Variants in MDC1 observed in about 807,000 individuals in gnomAD.
MDC1 encodes mediator of DNA damage checkpoint protein 1.
In MDC1, 81 loss-of-function variants were observed where a neutral mutation model predicts 142.5. The observed-to-expected ratio is 0.57, with a 90% CI of 0.47 to 0.68. MDC1 has a LOEUF of 0.68. Among genes scored for constraint, MDC1 ranks in the 30% least tolerant of loss-of-function variants. MDC1 has a pLI of 0.00. For synonymous variants in MDC1, 797 were observed against 968.4 expected, an observed-to-expected ratio of 0.82 and a Z score of 3.29; for missense variants, 2,119 against 2,547.9, an observed-to-expected ratio of 0.83 and a Z score of 3.62.
intron 14 of MDC1, among the ~76,000 whole-genome samples, chr6:30,701,985 G>A (rs115478552): frequency 0.019 from 2,934 of 151,964 alleles, 40 homozygotes; most frequent in South Asian, 0.064. Flanking sequence ...GGAAAAAGCC[G>A]GGCGCGGTGG....
At position 30,713,866 on chromosome 6, in the gene MDC1, T is replaced by G; in HGVS notation, c.454A>C (p.Arg152=). ...TGGGGTTGAGTTTCTCCCTGTACTC[T>G]GGGTGTCTCTTCTACTGTCAGAGGG... ...RGPLTVEETP[R]VQGETQPQRL... is the part of the protein sequence containing the mutation. Residue 152 remains arginine, a synonymous_variant, in exon 3 of 15, where the codon AGA becomes CGA. Coordinates refer to ENST00000376406, the MANE Select transcript of MDC1 (RefSeq NM_014641.3). This position sits in a 1 kb window ranked among gnomAD's most constrained non-coding sequence, Gnocchi z 4.9. The G allele has an allele frequency of 6.2e-7, 1 of 1,614,160 alleles. No individual in the cohort carries two copies. Among genetic ancestry groups the G allele is most frequent in the Non-Finnish European group, 8.5e-7 (1 of 1,180,028 alleles).
rs567097464 is a variant in MDC1, at chr6:30,701,031, C to T, written c.6103-399G>A. The stretch of plus-strand genomic sequence containing the variant: ...CGGAGCTTGCAGTGAGCCGAGATCG[C>T]GCCACTGCACTCCAGCCTGGGCTAC... On this transcript the variant is annotated intron_variant, in intron 14 of 14. Coordinates refer to ENST00000376406, the MANE Select transcript of MDC1 (RefSeq NM_014641.3). 1.0e-4 allele frequency among the ~76,000 whole-genome samples: 15 copies of T among 147,956 alleles called. No homozygotes were observed. The South Asian group carries it at 3.0e-3, about 30-fold the overall frequency.
At chr6:30,708,855 C>CAAAAAAAAAAAAAAAAAAAAA (rs59939040) in intron 7 of MDC1, among the ~76,000 whole-genome samples, 4 of 55,236 alleles carry the variant, frequency 7.2e-5, no homozygotes, top group East Asian at 5.3e-4. Context: ...GACTCTGTCT[C>CAAAAAAAAAAAAAAAAAAAAA]AAAAAAAAAA....
intron 9 of MDC1, 108 bp downstream of exon 9, chr6:30,707,276 A>G (rs1346454402): frequency 8.1e-6 from 10 of 1,233,656 alleles, no homozygotes; most frequent in Non-Finnish European, 1.2e-5. Flanking sequence ...AAATGGAAGA[A>G]AACTGAATAA....
At chr6:30,702,511 G>C (rs1213814108) in intron 14 of MDC1, 42 bp downstream of exon 14, 2 of 1,425,296 alleles carry the variant, frequency 1.4e-6, no homozygotes, top group Non-Finnish European at 9.4e-7. Context: ...CTCTTTAACT[G>C]CCACTGCCAC....
intron 9 of MDC1, among the ~76,000 whole-genome samples, chr6:30,706,486 G>A (rs1233080042): frequency 6.6e-6 from 1 of 152,004 alleles, no homozygotes; most frequent in Non-Finnish European, 1.5e-5. Context: ...GCCGGGCGTG[G>A]TGGCGGGCGC....
chr6:30,711,736 G>A lies in MDC1; in HGVS notation c.2069-10C>T. ...TCCAGATCTTCAGAATCTGGTCGGG[G>A]AGGAATATAAGACAGTTTAAAACAA... On this transcript the variant is annotated splice_polypyrimidine_tract_variant and intron_variant, in intron 5 of 14. Transcript: ENST00000376406. The A allele has an allele frequency of 6.2e-7, 1 of 1,611,858 alleles. No individual in the cohort carries two copies. The highest frequency in any genetic ancestry group is 8.5e-7 in the Non-Finnish European group (1 of 1,179,540).
chr6:30,701,990 C>T (rs544162629), intron 14 of MDC1, among the ~76,000 whole-genome samples: 74 of 151,776 alleles, frequency 4.9e-4, no homozygotes, highest in South Asian at 2.1e-3. Flanking sequence ...AAGCCGGGCG[C>T]GGTGGCTCAC....
chr6:30,702,312 GC>G (rs1772883503), intron 14 of MDC1, among the ~76,000 whole-genome samples: 1 of 148,032 alleles, frequency 6.8e-6, no homozygotes, highest in Non-Finnish European at 1.5e-5. Context: ...GATAGATGGA[GC>G]AAATGTAGCA....
At position 30,707,876 on chromosome 6, in the gene MDC1, T is replaced by C; in HGVS notation, c.2703A>G (p.Gln901=). The C allele has an allele frequency of 6.2e-7, 1 of 1,613,154 alleles. No individual in the cohort carries two copies. The highest frequency in any genetic ancestry group is 2.2e-5 in the East Asian group (1 of 44,886). ...GGGTCTGCTTCTGTACTTGTTTCTC[T>C]TGTATTTCCTCAGATGTCTCAATTT... is the stretch of plus-strand genomic sequence containing the variant. The part of the protein sequence containing the change: ...KVEIETSEEI[Q]EKQVQKQTLP... The change falls in exon 8 of 15, where the codon CAA becomes CAG. Residue 901 remains glutamine (Q), a synonymous_variant. Coordinates refer to ENST00000376406, the MANE Select transcript of MDC1 (RefSeq NM_014641.3).
intron 14 of MDC1, among the ~76,000 whole-genome samples, chr6:30,701,988 C>T (rs183016113): frequency 6.6e-6 from 1 of 151,802 alleles, no homozygotes; most frequent in Non-Finnish European, 1.5e-5. Context: ...AAAAGCCGGG[C>T]GCGGTGGCTC....
rs1460869083 is a variant in MDC1, at chr6:30,717,267, C to G, written c.-26G>C. 6.6e-6 allele frequency: 1 copy of G among 152,208 alleles called. No individual in the cohort carries two copies. The highest frequency in any genetic ancestry group is 2.4e-5 in the African/African-American group (1 of 41,442). 9.4% of individuals were successfully genotyped at this position (152,208 alleles called of 1,614,324 possible). On this transcript the variant is annotated 5_prime_UTR_variant, in exon 1 of 15. Coordinates refer to ENST00000376406, the MANE Select transcript of MDC1 (RefSeq NM_014641.3). ...CACCTACTTTAAGTCCCCGCGCGCG[C>G]CACCAGTAACGGTCGCGACCCAGGT...
rs1421126459 is a variant in MDC1 at position 30,712,076 on chromosome 6, C to G, written c.1866G>C (p.Glu622Asp). The G allele has an allele frequency of 6.3e-7, 1 of 1,591,474 alleles. No individual in the cohort carries two copies. The highest frequency in any genetic ancestry group is 1.7e-5 in the Admixed American group (1 of 57,460). The part of the protein sequence containing the change: ...AAVLKQERAH[E>D]VGAQGGPPVA... ...CAGGTGGCCCACCCTGGGCCCCCAC[C>G]TCATGAGCTCTCTCCTGCTTAAGAA... The change falls in exon 5 of 15, where the codon GAG becomes GAC. Residue 622 changes from glutamate (E) to aspartate (D), a missense_variant. Transcript: ENST00000376406. The surrounding 1 kb of genome is among the most constrained non-coding windows in gnomAD (Gnocchi z 4.7).
intron 6 of MDC1, 57 bp from the exon 7 acceptor site, chr6:30,711,561 T>C (rs929460173): frequency 5.6e-6 from 9 of 1,594,992 alleles, no homozygotes; most frequent in Non-Finnish European, 7.7e-6. Flanking sequence ...AGGGTTCCAT[T>C]CCTGGTCTCC....
Position 30,713,779 on chromosome 6 carries a change from C to G in MDC1, c.517+24G>C. 6.2e-7 allele frequency: 1 copy of G among 1,613,586 alleles called. No individual in the cohort carries two copies. Among genetic ancestry groups the G allele is most frequent in the Non-Finnish European group, 8.5e-7 (1 of 1,179,584 alleles). ...CACTCATTATTCCTGTCTCCTCATT[C>G]TCCCTGCCAATATACAAACTTACCT... On this transcript the variant is annotated intron_variant, in intron 3 of 14. Coordinates refer to ENST00000376406, the MANE Select transcript of MDC1 (RefSeq NM_014641.3). This position sits in a 1 kb window ranked among gnomAD's most constrained non-coding sequence, Gnocchi z 4.9.
chr6:30,706,794 C>CA (rs1397942948), intron 9 of MDC1, among the ~76,000 whole-genome samples: 29 of 149,026 alleles, frequency 1.9e-4, no homozygotes, highest in Non-Finnish European at 2.7e-4. Context: ...GAGACTGTCT[C>CA]AAAAAAAACA....
In MDC1 at chr6:30,713,402, G is replaced by A. The variant is rs2127720254; in HGVS notation, c.588-48C>T. On this transcript the variant is annotated intron_variant, in intron 4 of 14. Transcript: ENST00000376406. This position sits in a 1 kb window ranked among gnomAD's most constrained non-coding sequence, Gnocchi z 4.9. ...TCTATAGAATTTATTTCCCTGGAAG[G>A]GATACCCCAACTCAACTGTGAGCTC... 6.6e-7 allele frequency: 1 copy of A among 1,505,234 alleles called. No individual in the cohort carries two copies. Among genetic ancestry groups the A allele is most frequent in the Non-Finnish European group, 8.8e-7 (1 of 1,132,294 alleles). 93.2% of individuals were successfully genotyped at this position (1,505,234 alleles called of 1,614,324 possible).
chr6:30,708,296 C>T lies in MDC1; in HGVS notation c.2283G>A (p.Glu761=), dbSNP rs1774251055. The T allele has an allele frequency of 6.2e-7, 1 of 1,612,656 alleles. No homozygotes were observed. Among genetic ancestry groups the T allele is most frequent in the Non-Finnish European group, 8.5e-7 (1 of 1,180,024 alleles). ...TGTCAAAAGGCTGGGTCTCAGAGTC[C>T]TCAGACTCTCTCAGACAGAATGGCT... The part of the protein sequence containing the change: ...ATQPFCLRES[E]DSETQPFDTH... Residue 761 remains glutamate, a synonymous_variant, in exon 8 of 15, where the codon GAG becomes GAA. Coordinates refer to ENST00000376406, the MANE Select transcript of MDC1 (RefSeq NM_014641.3).
chr6:30,707,017 A>G (rs1402206254), intron 9 of MDC1, among the ~76,000 whole-genome samples: 2 of 152,132 alleles, frequency 1.3e-5, no homozygotes, highest in African/African-American at 2.4e-5. Flanking sequence ...CTTTCTGTCT[A>G]TGATCTCTCC....
Sources: allele counts gnomAD v4.1 joint callset (sites outside exome capture counted in the v4.1 genomes callset), GRCh38; gene constraint gnomAD v4.1.1; non-coding constraint Gnocchi (gnomAD v3.1); transcripts MANE v1.5; gene names NCBI Gene and HGNC (gene_info 2026-07-23, HGNC 2026-07-21).